Variants in ADAM23 observed in about 807,000 individuals in gnomAD.
ADAM23 encodes ADAM metallopeptidase domain 23, also known as disintegrin and metalloproteinase domain-containing protein 23.
A neutral mutation model predicts 120.1 loss-of-function variants in ADAM23; 33 were observed. The ratio of observed to expected loss-of-function variants is 0.27; its 90% confidence interval spans 0.21 to 0.37. The LOEUF (loss-of-function observed/expected upper bound fraction) is 0.37, where lower values mean the gene tolerates loss of function less well. ADAM23 is among the 10% of genes least tolerant of loss of function. The pLI is 1.00. For missense variants in ADAM23, 862 were observed against 1,058.2 expected (o/e 0.81, Z 2.57); for synonymous variants, 367 against 375.2 (o/e 0.98, Z 0.25).
At chr2:206,485,671 A>G (rs752033135) in intron 3 of ADAM23, among the ~76,000 whole-genome samples, 85 of 152,356 alleles carry the variant, frequency 5.6e-4, no homozygotes, top group South Asian at 1.2e-3. Context: ...AGCATCTGCT[A>G]TGTGCCTCTG....
At chr2:206,615,374 A>C (rs983766265) in intron 25 of ADAM23, among the ~76,000 whole-genome samples, 7 of 152,244 alleles carry the variant, frequency 4.6e-5, no homozygotes. Flanking sequence ...AACCGTTATG[A>C]AGAAAGTCAG....
intron 24 of ADAM23, among the ~76,000 whole-genome samples, chr2:206,596,749 C>T (rs1262925214): frequency 6.6e-6 from 1 of 152,124 alleles, no homozygotes; most frequent in Admixed American, 6.6e-5. Context: ...CCTAGGACCA[C>T]TCTCTATTTT....
At chr2:206,596,216 C>G (rs1378865396) in intron 24 of ADAM23, 54 bp downstream of exon 24, 16 of 1,311,024 alleles carry the variant, frequency 1.2e-5, no homozygotes, top group Non-Finnish European at 1.8e-5. Context: ...TGACACTGTT[C>G]CAATGCACCA....
intron 2 of ADAM23, among the ~76,000 whole-genome samples, 162 bp downstream of exon 2, chr2:206,445,686 C>G (rs1333795796): frequency 1.3e-5 from 2 of 152,196 alleles, no homozygotes; most frequent in African/African-American, 4.8e-5. Flanking sequence ...AACTTGGGAT[C>G]TACTGGGATA....
At chr2:206,551,369 G>A (rs1372642221) in intron 9 of ADAM23, among the ~76,000 whole-genome samples, 1 of 152,120 alleles carries the variant, frequency 6.6e-6, no homozygotes, top group Non-Finnish European at 1.5e-5. Context: ...TAGGCCAATT[G>A]TAATCTCTGT....
At chr2:206,512,572 C>T (rs918657566) in intron 3 of ADAM23, among the ~76,000 whole-genome samples, 6 of 152,166 alleles carry the variant, frequency 3.9e-5, no homozygotes, top group Non-Finnish European at 5.9e-5. Context: ...TAGAATAACC[C>T]TTTTTAGAAT....
Position 206,619,778 on chromosome 2 carries a change from A to T in ADAM23, c.*2151A>T, listed in dbSNP as rs1699020239. ...TTTCTATATTCTACAATAGACCATC[A>T]CCAAACATCTTATCATGTTGTTGCT... On this transcript the variant is annotated 3_prime_UTR_variant, in exon 26 of 26. Transcript: ENST00000264377. 1 of 152,190 alleles carries T rather than the reference A, an allele frequency of 6.6e-6. No homozygotes were observed. Among genetic ancestry groups the T allele is most frequent in the African/African-American group, 2.4e-5 (1 of 41,450 alleles). The allele number at this position is 152,190 out of a possible 1,614,324, so 9.4% of individuals were successfully genotyped here.
intron 24 of ADAM23, among the ~76,000 whole-genome samples, chr2:206,600,009 G>A (rs1462000128): frequency 3.3e-5 from 5 of 152,180 alleles, no homozygotes; most frequent in Non-Finnish European, 5.9e-5. Context: ...AGACCATCCT[G>A]GCTAACACAG....
intron 3 of ADAM23, among the ~76,000 whole-genome samples, chr2:206,516,266 G>A (rs1168040431): frequency 1.3e-5 from 2 of 150,542 alleles, no homozygotes; most frequent in Non-Finnish European, 3.0e-5. Flanking sequence ...AAGCCAAGTA[G>A]TGATAAAAAA....
chr2:206,499,267 C>T (rs1457766061), intron 3 of ADAM23, among the ~76,000 whole-genome samples: 1 of 151,996 alleles, frequency 6.6e-6, no homozygotes, highest in Non-Finnish European at 1.5e-5. Flanking sequence ...CAATGATAGA[C>T]TGGATTAAGA....
intron 2 of ADAM23, among the ~76,000 whole-genome samples, chr2:206,460,103 G>A (rs549954295): frequency 8.3e-4 from 106 of 127,060 alleles, no homozygotes; most frequent in Non-Finnish European, 1.4e-3. Context: ...TACTCAGAAT[G>A]ACTTTTTTTT....
chr2:206,594,805 C>G lies in ADAM23; in HGVS notation c.2147C>G (p.Pro716Arg), dbSNP rs1310765387. ...GTAGAAGATGGAACGCCATGTGGCCCGTCTATGATGTGTTTAGATCGGAAG... is the reference window on the plus strand; with the variant it reads ...GTAGAAGATGGAACGCCATGTGGCCGGTCTATGATGTGTTTAGATCGGAAG... ...GYVEDGTPCGPSMMCLDRKCL... is the reference protein window; with the variant it reads ...GYVEDGTPCGRSMMCLDRKCL... Residue 716 changes from proline to arginine, a missense_variant, in exon 23 of 26, where the codon CCG becomes CGG. By Grantham distance (103) the Pro-to-Arg change is moderately radical. This residue lies in a region of ADAM23 where 617 missense variants were observed against 813.5 expected (regional missense o/e 0.76). Transcript: ENST00000264377. 11 of 1,614,096 alleles carry G rather than the reference C, an allele frequency of 6.8e-6. No individual in the cohort carries two copies. The highest frequency in any genetic ancestry group is 9.3e-6 in the Non-Finnish European group (11 of 1,180,022).
intron 25 of ADAM23, 30 bp from the exon 26 acceptor site, chr2:206,617,549 C>A: frequency 6.3e-7 from 1 of 1,584,008 alleles, no homozygotes; most frequent in Non-Finnish European, 8.6e-7. Flanking sequence ...TCCCCCTCTG[C>A]TTGCATCTTC....
chr2:206,455,572 A>T (rs954571980), intron 2 of ADAM23, among the ~76,000 whole-genome samples: 9 of 152,156 alleles, frequency 5.9e-5, no homozygotes, highest in African/African-American at 1.9e-4. Context: ...CCAAACGTTT[A>T]TGCTCTGCTT....
At chr2:206,452,389 T>C (rs1478573779) in intron 2 of ADAM23, among the ~76,000 whole-genome samples, 1 of 152,234 alleles carries the variant, frequency 6.6e-6, no homozygotes, top group Admixed American at 6.5e-5. Flanking sequence ...TAAATAATGC[T>C]TTCTGCTCAC....
At chr2:206,473,689 CATATTATAATCT>C (rs1470559350) in intron 2 of ADAM23, among the ~76,000 whole-genome samples, 1 of 151,354 alleles carries the variant, frequency 6.6e-6, no homozygotes, top group African/African-American at 2.4e-5. Context: ...TTTCCTTAAC[CATATTATAATCT>C]TTTTGATCTA....
intron 2 of ADAM23, among the ~76,000 whole-genome samples, chr2:206,476,805 A>G (rs1695785062): frequency 6.6e-6 from 1 of 152,184 alleles, no homozygotes; most frequent in Non-Finnish European, 1.5e-5. Context: ...ACAATTTAGT[A>G]GAAATTCAGC....
At chr2:206,546,007 G>T (rs1697389445) in intron 6 of ADAM23, among the ~76,000 whole-genome samples, 1 of 152,088 alleles carries the variant, frequency 6.6e-6, no homozygotes, top group South Asian at 2.1e-4. Flanking sequence ...AATAAATGTA[G>T]GTGACAATGT....
chr2:206,535,814 G>A (rs535724893), intron 4 of ADAM23, among the ~76,000 whole-genome samples: 2 of 152,304 alleles, frequency 1.3e-5, no homozygotes, highest in South Asian at 4.2e-4. Context: ...GAGTGGAGGG[G>A]AGGAGAAATG....
Sources: gnomAD v4.1 joint callset for allele counts (sites outside exome capture counted in the v4.1 genomes callset) on GRCh38, gnomAD v4.1.1 for gene constraint, gnomAD v4.1.1 regional missense constraint, MANE v1.5 for transcripts, NCBI Gene and HGNC (gene_info 2026-07-23, HGNC 2026-07-21) for gene names.